Variants in AAK1 observed in about 807,000 individuals in gnomAD.
AAK1 encodes the protein AP2-associated protein kinase 1.
In AAK1, 37 loss-of-function variants were observed where a neutral mutation model predicts 116.0. That is an observed-to-expected ratio of 0.32 (90% CI 0.25 to 0.42). The LOEUF is 0.42. AAK1 is among the 10% of genes least tolerant of loss of function. The pLI is 1.00. For synonymous variants in AAK1, 458 were observed against 439.9 expected (o/e 1.04, Z -0.51); for missense variants, 919 against 1,170.6 (o/e 0.79, Z 3.14).
chr2:69,587,318 C>T (rs184088411), intron 2 of AAK1, among the ~76,000 whole-genome samples: 1 of 149,332 alleles, frequency 6.7e-6, no homozygotes, highest in African/African-American at 2.5e-5. Flanking sequence ...TATATATACG[C>T]ACATATATAC....
intron 2 of AAK1, among the ~76,000 whole-genome samples, chr2:69,615,165 T>A (rs1489006402): frequency 1.3e-5 from 2 of 152,152 alleles, no homozygotes; most frequent in Non-Finnish European, 2.9e-5. Context: ...ACTTACATAG[T>A]CTACCAAGGA....
intron 17 of AAK1, among the ~76,000 whole-genome samples, chr2:69,489,855 G>A (rs914622529): frequency 6.6e-6 from 1 of 152,140 alleles, no homozygotes; most frequent in African/African-American, 2.4e-5. Flanking sequence ...TCATTTTAGA[G>A]AATTAAATCT....
rs34422616 is a variant in AAK1 at position 69,496,038 on chromosome 2, G to C, written c.2312C>G (p.Pro771Arg). The C allele has an allele frequency of 9.6e-4, 1,492 of 1,555,380 alleles. 16 individuals carry two copies. Among genetic ancestry groups the C allele is most frequent in the East Asian group, 9.2e-3 (380 of 41,302 alleles). Reference protein sequence around the residue: ...KGGQTVDSGLPLLSVSDPFIP... With the variant: ...KGGQTVDSGLRLLSVSDPFIP... ...GAAAGGATCAGACACGCTTAGAAGCGGGAGGCCAGAGTCCACAGTCTGCCC... is the reference window on the plus strand; with the variant it reads ...GAAAGGATCAGACACGCTTAGAAGCCGGAGGCCAGAGTCCACAGTCTGCCC... Residue 771 changes from proline (P) to arginine (R), a missense_variant, in exon 17 of 22, where the codon CCG becomes CGG. Physicochemically the swap from Pro to Arg is moderately radical, Grantham distance 103 (BLOSUM62 -2). Around this residue, in one of 4 missense-constraint regions of AAK1, gnomAD observed 263 missense variants for 285.5 expected, o/e 0.92. Transcript: ENST00000409085.
intron 19 of AAK1, among the ~76,000 whole-genome samples, chr2:69,480,260 CA>C (rs761196037): frequency 0.041 from 2,818 of 68,014 alleles, 48 homozygotes; most frequent in African/African-American, 0.12. Context: ...GAATTATGGA[CA>C]AAAAAAAAAA....
intron 17 of AAK1, among the ~76,000 whole-genome samples, chr2:69,483,096 A>C (rs1007576096): frequency 2.6e-5 from 4 of 152,200 alleles, no homozygotes; most frequent in African/African-American, 9.7e-5. Flanking sequence ...GCATACAATA[A>C]AAGTCGCCCA....
intron 17 of AAK1, among the ~76,000 whole-genome samples, chr2:69,494,576 C>T (rs1398105938): frequency 1.3e-5 from 2 of 152,140 alleles, no homozygotes; most frequent in Non-Finnish European, 2.9e-5. Flanking sequence ...TTGTCTGATC[C>T]CATGATTACC....
At chr2:69,500,352 G>A (rs1336786274) in intron 16 of AAK1, 2 of 152,076 alleles carry the variant, frequency 1.3e-5, no homozygotes, top group African/African-American at 4.8e-5. Context: ...AAAAAGACCA[G>A]ATAAACTGAG....
intron 17 of AAK1, among the ~76,000 whole-genome samples, chr2:69,490,897 T>C (rs1675494116): frequency 6.6e-6 from 1 of 150,506 alleles, no homozygotes; most frequent in Admixed American, 6.7e-5. Flanking sequence ...CCTCAATCTT[T>C]CTAAAATATA....
In AAK1 at chr2:69,468,114, T is replaced by A. The variant is rs1455459120; in HGVS notation, c.*7755A>T. ...CAGAATAGTATTTGAAGAATAAGAT[T>A]TTGAAAAGAATAAATTTTTCCTTGT... is the stretch of plus-strand genomic sequence containing the variant. On this transcript the variant is annotated 3_prime_UTR_variant, in exon 22 of 22. Coordinates refer to ENST00000409085, the MANE Select transcript of AAK1 (RefSeq NM_014911.5). 1.0e-6 allele frequency: 1 copy of A among 985,170 alleles called. No individual in the cohort carries two copies. Among genetic ancestry groups the A allele is most frequent in the Admixed American group, 6.1e-5 (1 of 16,264 alleles). 61.0% of individuals were successfully genotyped at this position (985,170 alleles called of 1,614,324 possible). A position where few individuals can be genotyped will look rare whatever the true frequency, so the allele number is the denominator to read the frequency against.
At chr2:69,481,811 A>C (rs1675100538) in intron 18 of AAK1, 1 of 152,064 alleles carries the variant, frequency 6.6e-6, no homozygotes, top group Non-Finnish European at 1.5e-5. Context: ...GACCTTTTTA[A>C]ATTTTTTAAT....
intron 2 of AAK1, among the ~76,000 whole-genome samples, chr2:69,609,792 G>A (rs753977533): frequency 3.9e-5 from 6 of 152,138 alleles, no homozygotes; most frequent in Admixed American, 6.5e-5. Flanking sequence ...GCTCACGCCT[G>A]TAATCCCAGC....
chr2:69,515,535 GCC>G (rs1446795831), intron 12 of AAK1, among the ~76,000 whole-genome samples: 1 of 151,770 alleles, frequency 6.6e-6, no homozygotes, highest in African/African-American at 2.4e-5. Context: ...TCACAATGTT[GCC>G]CAGGCTGTCT....
In AAK1 at chr2:69,461,944, C is replaced by T. The variant is rs188866458; in HGVS notation, c.*13925G>A. Reference sequence around the variant, plus strand: ...AGCTCATACTTGACGAAGTATTCAACTATGTAGTAAAATCACCATGATTTT... The same window carrying T: ...AGCTCATACTTGACGAAGTATTCAATTATGTAGTAAAATCACCATGATTTT... On this transcript the variant is annotated 3_prime_UTR_variant, in exon 22 of 22. Coordinates refer to ENST00000409085, the MANE Select transcript of AAK1 (RefSeq NM_014911.5). 1 of 160,178 alleles carries T rather than the reference C, an allele frequency of 6.2e-6. No individual in the cohort carries two copies. The highest frequency in any genetic ancestry group is 2.4e-5 in the African/African-American group (1 of 41,468). 9.9% of individuals were successfully genotyped at this position (160,178 alleles called of 1,614,324 possible).
chr2:69,495,942 G>A lies in AAK1; in HGVS notation c.2365+43C>T, dbSNP rs2104934023. 3 of 1,496,220 alleles carry A rather than the reference G, an allele frequency of 2.0e-6. No homozygotes were observed. The South Asian group carries it at 3.7e-5, about 18-fold the overall frequency. 92.7% of individuals were successfully genotyped at this position (1,496,220 alleles called of 1,614,324 possible). ...GAACTTTCTACAAGGCCTGGGACAT[G>A]CAAATCAAGCTGCTTAACCTCAGAA... On this transcript the variant is annotated intron_variant, in intron 17 of 21. Coordinates refer to ENST00000409085, the MANE Select transcript of AAK1 (RefSeq NM_014911.5).
chr2:69,466,859 C>G lies in AAK1; in HGVS notation c.*9010G>C. 1 of 985,396 alleles carries G rather than the reference C, an allele frequency of 1.0e-6. No individual in the cohort carries two copies. Among genetic ancestry groups the G allele is most frequent in the African/African-American group, 1.7e-5 (1 of 57,328 alleles). The allele number at this position is 985,396 out of a possible 1,614,324, so 61.0% of individuals were successfully genotyped here. A position where few individuals can be genotyped will look rare whatever the true frequency, so the allele number is the denominator to read the frequency against. ...ACACAGGGCCAGGCACGGACACCTG[C>G]TCTACCTGGCACTGGCTCATTATGG... is the stretch of plus-strand genomic sequence containing the variant. On this transcript the variant is annotated 3_prime_UTR_variant, in exon 22 of 22. Transcript: ENST00000409085.
rs1054246126 is a variant in AAK1 at position 69,466,545 on chromosome 2, T to C, written c.*9324A>G. On this transcript the variant is annotated 3_prime_UTR_variant, in exon 22 of 22. Transcript: ENST00000409085. Reference sequence around the variant, plus strand: ...TACAGGACAGGGATTGGACTCCCTCTGGAGATCTAGAAAAGCATAAAATGC... The same window carrying C: ...TACAGGACAGGGATTGGACTCCCTCCGGAGATCTAGAAAAGCATAAAATGC... The C allele has an allele frequency of 4.2e-6, 5 of 1,188,376 alleles. No homozygotes were observed. The African/African-American group carries it at 8.0e-5, about 19-fold the overall frequency. The allele number at this position is 1,188,376 out of a possible 1,614,324, so 73.6% of individuals were successfully genotyped here. A position where few individuals can be genotyped will look rare whatever the true frequency, so the allele number is the denominator to read the frequency against.
intron 2 of AAK1, among the ~76,000 whole-genome samples, chr2:69,591,332 C>T (rs1055215857): frequency 9.2e-5 from 14 of 151,982 alleles, no homozygotes; most frequent in African/African-American, 3.1e-4. Context: ...CCACTGTGAC[C>T]GTACCCAAGA....
chr2:69,472,228 A>G lies in AAK1; in HGVS notation c.*3641T>C. On this transcript the variant is annotated 3_prime_UTR_variant, in exon 22 of 22. Transcript: ENST00000409085. The stretch of plus-strand genomic sequence containing the variant: ...ATCCTTTTTACTGTCTTCAACAGTA[A>G]CCACTCTTCATCTTACAGGGTTGAA... 1.1e-6 allele frequency: 1 copy of G among 912,532 alleles called. No homozygotes were observed. The highest frequency in any genetic ancestry group is 1.3e-6 in the Non-Finnish European group (1 of 763,676). 56.5% of individuals were successfully genotyped at this position (912,532 alleles called of 1,614,324 possible).
At chr2:69,556,242 T>C (rs78292636) in intron 3 of AAK1, among the ~76,000 whole-genome samples, 1,674 of 152,288 alleles carry the variant, frequency 0.011, 28 homozygotes, top group African/African-American at 0.039. Flanking sequence ...TACCCATTTC[T>C]AGTCAACTTC....
Sources: allele counts gnomAD v4.1 joint callset (sites outside exome capture counted in the v4.1 genomes callset), GRCh38; gene constraint gnomAD v4.1.1; regional missense constraint gnomAD v4.1.1; transcripts MANE v1.5; gene names NCBI Gene and HGNC (gene_info 2026-07-23, HGNC 2026-07-21).